Variants in COL26A1 observed in about 807,000 individuals in gnomAD.
COL26A1 encodes collagen type XXVI alpha 1 chain.
Under a neutral mutation model 59.3 loss-of-function variants are expected in COL26A1, and 41 were observed. The observed-to-expected ratio is 0.69, with a 90% CI of 0.54 to 0.90. COL26A1 has a LOEUF of 0.90. COL26A1 is among the 40% of genes least tolerant of loss of function. The pLI, the probability that COL26A1 is intolerant of heterozygous loss-of-function variation, is 0.00. For missense variants in COL26A1, 612 were observed against 602.3 expected (o/e 1.02, Z -0.17); for synonymous variants, 266 against 256.0 (o/e 1.04, Z -0.37).
chr7:101,555,995 C>T (rs1795967762), intron 12 of COL26A1, 124 bp downstream of exon 12: 8 of 752,226 alleles, frequency 1.1e-5, no homozygotes, highest in Non-Finnish European at 1.7e-5. Flanking sequence ...CTGACCCTCC[C>T]CCTCCCCTGC....
chr7:101,473,844 C>A (rs1485371972), intron 3 of COL26A1, among the ~76,000 whole-genome samples: 1 of 142,880 alleles, frequency 7.0e-6, no homozygotes, highest in Non-Finnish European at 1.6e-5. Context: ...CAGAGTGAAA[C>A]CCTGTCTCAA....
intron 3 of COL26A1, among the ~76,000 whole-genome samples, chr7:101,472,524 C>G (rs1793928455): frequency 6.6e-6 from 1 of 152,132 alleles, no homozygotes; most frequent in Admixed American, 6.6e-5. Context: ...TGAGACTCCT[C>G]CAACAGGTGG....
intron 3 of COL26A1, among the ~76,000 whole-genome samples, chr7:101,501,516 C>T (rs150460276): frequency 4.9e-4 from 74 of 152,302 alleles, no homozygotes; most frequent in Middle Eastern, 3.4e-3. Flanking sequence ...CACCAGACAC[C>T]GCCTCCAGGA....
intron 2 of COL26A1, among the ~76,000 whole-genome samples, chr7:101,423,716 CAG>C (rs952435366): frequency 1.2e-4 from 18 of 152,038 alleles, no homozygotes; most frequent in African/African-American, 4.1e-4. Context: ...GCCTGGGCGA[CAG>C]AGTGAGACTC....
intron 1 of COL26A1, among the ~76,000 whole-genome samples, chr7:101,394,041 G>T (rs1041320059): frequency 9.9e-5 from 15 of 151,906 alleles, no homozygotes; most frequent in Admixed American, 8.5e-4. Flanking sequence ...GCCTCCCAAA[G>T]TGCTGGGATT....
chr7:101,512,471 T>G (rs1213753130), intron 3 of COL26A1, among the ~76,000 whole-genome samples: 1 of 151,824 alleles, frequency 6.6e-6, no homozygotes, highest in Non-Finnish European at 1.5e-5. Flanking sequence ...AAATAAAAAA[T>G]TAGCCAGTGT....
intron 1 of COL26A1, among the ~76,000 whole-genome samples, chr7:101,368,960 GTA>G (rs1174479932): frequency 3.4e-5 from 4 of 118,486 alleles, no homozygotes; most frequent in Non-Finnish European, 6.9e-5. Context: ...ATTTGTGTGT[GTA>G]TGTGTGTGTG....
rs570872807 is a variant in COL26A1 at position 101,558,783 on chromosome 7, A to G, written c.*1253A>G. The G allele has an allele frequency of 6.6e-6, 1 of 152,376 alleles. No homozygotes were observed. Among genetic ancestry groups the G allele is most frequent in the East Asian group, 1.9e-4 (1 of 5,164 alleles). 9.4% of individuals were successfully genotyped at this position (152,376 alleles called of 1,614,324 possible). Reference sequence around the variant, plus strand: ...ACAGCCACGGCAGCAAACTCAGAGAATTGAAGGTGCTGGCGCCACCCTGGG... The same window carrying G: ...ACAGCCACGGCAGCAAACTCAGAGAGTTGAAGGTGCTGGCGCCACCCTGGG... On this transcript the variant is annotated 3_prime_UTR_variant, in exon 13 of 13. Transcript: ENST00000313669.
intron 3 of COL26A1, among the ~76,000 whole-genome samples, chr7:101,520,582 G>A (rs1795118812): frequency 6.6e-6 from 1 of 151,024 alleles, no homozygotes; most frequent in Non-Finnish European, 1.5e-5. Context: ...AGCTACTCAG[G>A]AGGCAAAGGT....
At chr7:101,536,973 T>C (rs112294219) in intron 4 of COL26A1, among the ~76,000 whole-genome samples, 9,809 of 152,270 alleles carry the variant, frequency 0.064, 552 homozygotes, top group African/African-American at 0.15. Context: ...GCTGGGGCAA[T>C]GTGACCACCT....
At chr7:101,374,737 A>G (rs6465803) in intron 1 of COL26A1, among the ~76,000 whole-genome samples, 88,197 of 152,028 alleles carry the variant, frequency 0.58, 27,168 homozygotes, top group African/African-American at 0.8. Flanking sequence ...ATTTCATTAT[A>G]TATTACAATG....
At chr7:101,413,360 A>C (rs1191267746) in intron 1 of COL26A1, among the ~76,000 whole-genome samples, 1 of 152,138 alleles carries the variant, frequency 6.6e-6, no homozygotes, top group East Asian at 1.9e-4. Flanking sequence ...TCTACTAAAA[A>C]TACAAAATAT....
At chr7:101,454,972 T>C (rs1213112753) in intron 3 of COL26A1, among the ~76,000 whole-genome samples, 9 of 152,114 alleles carry the variant, frequency 5.9e-5, no homozygotes, top group Non-Finnish European at 1.3e-4. Context: ...ATAAATTCTG[T>C]GAGCCAGCAT....
At chr7:101,454,375 C>T (rs1297387851) in intron 3 of COL26A1, among the ~76,000 whole-genome samples, 3 of 151,226 alleles carry the variant, frequency 2.0e-5, no homozygotes, top group African/African-American at 7.3e-5. Context: ...TCTCCTGCCT[C>T]AGCCTTCCAA....
intron 3 of COL26A1, among the ~76,000 whole-genome samples, chr7:101,513,869 T>C (rs1794975326): frequency 6.6e-6 from 1 of 152,138 alleles, no homozygotes; most frequent in African/African-American, 2.4e-5. Flanking sequence ...GGGCTGGTAT[T>C]GGAAATACGG....
chr7:101,520,851 G>A (rs142690828), intron 3 of COL26A1, among the ~76,000 whole-genome samples: 56 of 152,270 alleles, frequency 3.7e-4, no homozygotes, highest in African/African-American at 1.3e-3. Context: ...CAGTTCCCAT[G>A]CACAGTAAGG....
intron 1 of COL26A1, among the ~76,000 whole-genome samples, chr7:101,390,864 G>A (rs56339860): frequency 0.12 from 17,530 of 152,230 alleles, 1,113 homozygotes; most frequent in Non-Finnish European, 0.15. Context: ...CTGTGCAACC[G>A]GTCCAGGCTG....
intron 2 of COL26A1, among the ~76,000 whole-genome samples, chr7:101,421,551 T>C (rs1412957263): frequency 6.6e-6 from 1 of 151,672 alleles, no homozygotes; most frequent in Admixed American, 6.6e-5. Context: ...GGTGGGCGCC[T>C]GCAATCCCAG....
chr7:101,533,913 G>C (rs1469290807), intron 4 of COL26A1, among the ~76,000 whole-genome samples: 1 of 152,238 alleles, frequency 6.6e-6, no homozygotes, highest in African/African-American at 2.4e-5. Flanking sequence ...GCCCTTGGCA[G>C]AGTTGCAGGT....
Sources: gnomAD v4.1 joint callset for allele counts (sites outside exome capture counted in the v4.1 genomes callset) on GRCh38, gnomAD v4.1.1 for gene constraint, MANE v1.5 for transcripts, NCBI Gene and HGNC (gene_info 2026-07-23, HGNC 2026-07-21) for gene names.